The following MB21D2 variants were observed in gnomAD, a reference collection of about 807,000 sequenced individuals.
MB21D2 encodes the protein Mab-21 domain containing 2, also known as nucleotidyltransferase MB21D2.
A neutral mutation model predicts 33.3 loss-of-function variants in MB21D2; 9 were observed. That is an observed-to-expected ratio of 0.27 (90% CI 0.16 to 0.47). The LOEUF is 0.47. MB21D2 is among the 20% of genes least tolerant of loss of function. MB21D2 has a pLI of 0.99. For synonymous variants in MB21D2, 241 were observed against 236.3 expected (o/e 1.02, Z -0.18); for missense variants, 540 against 624.6 (o/e 0.86, Z 1.44).
intron 1 of MB21D2, among the ~76,000 whole-genome samples, chr3:192,864,912 T>G (rs1393831941): frequency 6.6e-6 from 1 of 152,130 alleles, no homozygotes; most frequent in African/African-American, 2.4e-5. Flanking sequence ...ACATTCCTCC[T>G]CCTACACTGC....
intron 1 of MB21D2, among the ~76,000 whole-genome samples, chr3:192,901,468 T>C (rs775590998): frequency 1.3e-5 from 2 of 149,782 alleles, no homozygotes; most frequent in African/African-American, 2.5e-5. Context: ...AGTAAGTAGG[T>C]TGGGAATGGG....
At chr3:192,863,597 AGAC>A (rs1257516709) in intron 1 of MB21D2, among the ~76,000 whole-genome samples, 1 of 152,236 alleles carries the variant, frequency 6.6e-6, no homozygotes, top group African/African-American at 2.4e-5. Context: ...AGGACGAAGA[AGAC>A]ATGATTCCTG....
intron 1 of MB21D2, among the ~76,000 whole-genome samples, chr3:192,916,718 C>G (rs994814538): frequency 6.6e-6 from 1 of 152,190 alleles, no homozygotes; most frequent in Non-Finnish European, 1.5e-5. Flanking sequence ...TCTCCCGGGC[C>G]TGGCTCAATT....
intron 1 of MB21D2, among the ~76,000 whole-genome samples, chr3:192,912,055 T>G (rs919795125): frequency 6.6e-6 from 1 of 152,180 alleles, no homozygotes; most frequent in Non-Finnish European, 1.5e-5. Flanking sequence ...TTACCCACTC[T>G]GGAGATGTAG....
At position 192,798,664 on chromosome 3, in the gene MB21D2, G is replaced by T; in HGVS notation, c.1198C>A (p.Leu400Met). Residue 400 changes from leucine to methionine, a missense_variant, in exon 2 of 2, where the codon CTG becomes ATG. Leu to Met is a conservative substitution (Grantham distance 15, BLOSUM62 2). Transcript: ENST00000392452. This position sits in a 1 kb window ranked among gnomAD's most constrained non-coding sequence, Gnocchi z 4.8. ...EETVMLHARK[L>M]SSVRSDPAEH... ...GCCGGGTCTGAGCGCACAGAGGACA[G>T]CTTCCGGGCGTGAAGCATGACTGTC... is the stretch of plus-strand genomic sequence containing the variant. The T allele has an allele frequency of 6.2e-7, 1 of 1,613,444 alleles. No homozygotes were observed.
chr3:192,835,632 CTATT>C (rs750095559), intron 1 of MB21D2, among the ~76,000 whole-genome samples: 14 of 151,926 alleles, frequency 9.2e-5, no homozygotes, highest in Non-Finnish European at 2.1e-4. Flanking sequence ...TGGTCTAAAA[CTATT>C]TATTAAGACA....
At chr3:192,861,749 G>A (rs1713047839) in intron 1 of MB21D2, among the ~76,000 whole-genome samples, 3 of 152,136 alleles carry the variant, frequency 2.0e-5, no homozygotes, top group Admixed American at 6.5e-5. Flanking sequence ...GGTTTGCGGT[G>A]AGCCAAGATC....
rs1052593964 is a variant in MB21D2 at position 192,798,269 on chromosome 3, T to C, written c.*117A>G. On this transcript the variant is annotated 3_prime_UTR_variant, in exon 2 of 2. Coordinates refer to ENST00000392452, the MANE Select transcript of MB21D2 (RefSeq NM_178496.4). The surrounding 1 kb of genome is among the most constrained non-coding windows in gnomAD (Gnocchi z 4.8). ...CCTGCAGAACCAGGAAACTTAAAAT[T>C]TGTTCTTAACAAATCCAATCTAGGC... The C allele has an allele frequency of 1.7e-6, 2 of 1,173,328 alleles. No individual in the cohort carries two copies. 72.7% of individuals were successfully genotyped at this position (1,173,328 alleles called of 1,614,324 possible). A position where few individuals can be genotyped will look rare whatever the true frequency, so the allele number is the denominator to read the frequency against.
intron 1 of MB21D2, among the ~76,000 whole-genome samples, chr3:192,806,663 C>A (rs1711668053): frequency 6.6e-6 from 1 of 152,154 alleles, no homozygotes; most frequent in Non-Finnish European, 1.5e-5. Context: ...TTCAATCAAC[C>A]TGAATACCTC....
intron 1 of MB21D2, among the ~76,000 whole-genome samples, chr3:192,800,682 A>G (rs1318810073): frequency 1.3e-5 from 2 of 152,236 alleles, no homozygotes; most frequent in Admixed American, 1.3e-4. Flanking sequence ...CGTCTTCCTC[A>G]TACTGAAATA....
At chr3:192,883,183 C>T (rs1485790493) in intron 1 of MB21D2, among the ~76,000 whole-genome samples, 3 of 152,074 alleles carry the variant, frequency 2.0e-5, no homozygotes, top group African/African-American at 7.3e-5. Flanking sequence ...AGTTTCATAT[C>T]TAACCTAGCA....
intron 1 of MB21D2, among the ~76,000 whole-genome samples, chr3:192,813,172 T>A (rs1019928749): frequency 2.0e-5 from 3 of 152,134 alleles, no homozygotes; most frequent in African/African-American, 4.8e-5. Context: ...GCTGAAGGGA[T>A]CATCTAGGTT....
intron 1 of MB21D2, among the ~76,000 whole-genome samples, chr3:192,855,666 T>A (rs1396459539): frequency 6.6e-6 from 1 of 152,222 alleles, no homozygotes; most frequent in East Asian, 1.9e-4. Context: ...CAGTACTAGG[T>A]CTGTATACTC....
intron 1 of MB21D2, among the ~76,000 whole-genome samples, chr3:192,868,678 G>C (rs1010735340): frequency 2.0e-5 from 3 of 152,002 alleles, no homozygotes; most frequent in Non-Finnish European, 4.4e-5. Context: ...TCAATATACC[G>C]AGGCTCCATT....
At chr3:192,872,667 C>A (rs1043751271) in intron 1 of MB21D2, among the ~76,000 whole-genome samples, 5 of 152,040 alleles carry the variant, frequency 3.3e-5, no homozygotes, top group Non-Finnish European at 5.9e-5. Context: ...ATGTTCCCTA[C>A]GGGGATGGCT....
chr3:192,832,460 G>A (rs1291524319), intron 1 of MB21D2, among the ~76,000 whole-genome samples: 1 of 152,154 alleles, frequency 6.6e-6, no homozygotes, highest in Non-Finnish European at 1.5e-5. Context: ...ACTATTCAAT[G>A]TTTATAATAT....
chr3:192,876,905 C>T (rs748255500), intron 1 of MB21D2, among the ~76,000 whole-genome samples: 7 of 152,098 alleles, frequency 4.6e-5, no homozygotes, highest in Non-Finnish European at 7.3e-5. Flanking sequence ...CTGTGGCACC[C>T]GCTATTTAAT....
At chr3:192,869,690 C>T (rs926544469) in intron 1 of MB21D2, among the ~76,000 whole-genome samples, 5 of 152,312 alleles carry the variant, frequency 3.3e-5, no homozygotes, top group Admixed American at 1.3e-4. Context: ...AGCCACTTGA[C>T]CTCACCTTGC....
intron 1 of MB21D2, among the ~76,000 whole-genome samples, chr3:192,887,899 C>A (rs1713767488): frequency 6.6e-6 from 1 of 151,942 alleles, no homozygotes; most frequent in Non-Finnish European, 1.5e-5. Flanking sequence ...TTGGGTGGGG[C>A]CTGAAATGCT....
Sources: allele counts gnomAD v4.1 joint callset (sites outside exome capture counted in the v4.1 genomes callset), GRCh38; gene constraint gnomAD v4.1.1; non-coding constraint Gnocchi (gnomAD v3.1); transcripts MANE v1.5; gene names NCBI Gene and HGNC (gene_info 2026-07-23, HGNC 2026-07-21).